DAAM1: variants seen among roughly 807,000 people sequenced by gnomAD.
DAAM1 encodes the protein dishevelled associated activator of morphogenesis 1, also known as disheveled-associated activator of morphogenesis 1.
A neutral mutation model predicts 130.0 loss-of-function variants in DAAM1; 52 were observed. That is an observed-to-expected ratio of 0.40 (90% CI 0.32 to 0.50). The LOEUF (loss-of-function observed/expected upper bound fraction) is 0.50, where lower values mean the gene tolerates loss of function less well. Ranked by LOEUF, DAAM1 falls within the 20% of genes least tolerant of loss-of-function variation. The probability of loss-of-function intolerance (pLI) is 0.61; values close to 1 mark genes in which losing one functional copy is unlikely to be tolerated. For synonymous variants in DAAM1, 452 were observed against 444.5 expected (o/e 1.02, Z -0.21); for missense variants, 1,134 against 1,303.8 (o/e 0.87, Z 2.01).
chr14:59,302,515 ACCATGGGAAGAATGCT>A (rs1884212629), intron 3 of DAAM1, among the ~76,000 whole-genome samples: 1 of 152,186 alleles, frequency 6.6e-6, no homozygotes, highest in Non-Finnish European at 1.5e-5. Flanking sequence ...TTGGTGCTGC[ACCATGGGAAGAATGCT>A]CCTGTCTTGG....
chr14:59,307,572 A>G lies in DAAM1; in HGVS notation c.274-7708A>G, dbSNP rs138846156. Among the ~76,000 whole-genome samples, 144 of 152,304 alleles carry G rather than the reference A, an allele frequency of 9.5e-4. 1 individual carries two copies. Among genetic ancestry groups the G allele is most frequent in the African/African-American group, 3.0e-3 (126 of 41,564 alleles). The stretch of plus-strand genomic sequence containing the variant: ...AGTATATTTTATTTTTGAATACGTG[A>G]TATGGTAGCAAGAGGCTTTCTCTGG... On this transcript the variant is annotated intron_variant, in intron 3 of 24. Coordinates refer to ENST00000360909, the MANE Select transcript of DAAM1 (RefSeq NM_001270520.2).
intron 2 of DAAM1, among the ~76,000 whole-genome samples, chr14:59,288,279 A>T (rs1358962614): frequency 6.6e-6 from 1 of 152,236 alleles, no homozygotes; most frequent in African/African-American, 2.4e-5. Flanking sequence ...CTCAAGATAG[A>T]TTGAAGACTT....
At chr14:59,342,512 A>G (rs1307181623) in intron 16 of DAAM1, among the ~76,000 whole-genome samples, 1 of 152,220 alleles carries the variant, frequency 6.6e-6, no homozygotes, top group Non-Finnish European at 1.5e-5. Context: ...GCAATTTATT[A>G]CTATGCACAA....
rs1264048577 is a variant in DAAM1, at chr14:59,369,789, C to A, written c.*930C>A. 2 of 143,466 alleles carry A rather than the reference C, an allele frequency of 1.4e-5. No homozygotes were observed. Among genetic ancestry groups the A allele is most frequent in the South Asian group, 2.2e-4 (1 of 4,602 alleles). 8.9% of individuals were successfully genotyped at this position (143,466 alleles called of 1,614,324 possible). On this transcript the variant is annotated 3_prime_UTR_variant, in exon 25 of 25. Transcript: ENST00000360909. The stretch of plus-strand genomic sequence containing the variant: ...AAAAAAAAAAAAAATTAATGGGGTG[C>A]CTTTTTGTTATAGTTTCTATTTTCT...
At chr14:59,258,625 AG>A (rs1882017917) in intron 1 of DAAM1, among the ~76,000 whole-genome samples, 1 of 152,182 alleles carries the variant, frequency 6.6e-6, no homozygotes, top group Non-Finnish European at 1.5e-5. Flanking sequence ...GGTTCTTCTG[AG>A]GGGTCCAGCG....
intron 1 of DAAM1, among the ~76,000 whole-genome samples, chr14:59,216,891 G>C (rs1888597803): frequency 6.7e-6 from 1 of 148,374 alleles, no homozygotes; most frequent in South Asian, 2.2e-4. Flanking sequence ...TGAATTTTAA[G>C]TATATACTAT....
At chr14:59,259,072 G>A (rs533854699) in intron 1 of DAAM1, among the ~76,000 whole-genome samples, 3 of 152,180 alleles carry the variant, frequency 2.0e-5, no homozygotes, top group South Asian at 2.1e-4. Context: ...CCGACTTCTC[G>A]CCCCTCCTCA....
At chr14:59,342,833 A>G (rs1885903103) in intron 16 of DAAM1, among the ~76,000 whole-genome samples, 1 of 152,194 alleles carries the variant, frequency 6.6e-6, no homozygotes. Flanking sequence ...AAAGACTGTT[A>G]TATGACAAGA....
At chr14:59,350,903 T>C (rs1320669085) in intron 17 of DAAM1, among the ~76,000 whole-genome samples, 4 of 152,166 alleles carry the variant, frequency 2.6e-5, no homozygotes, top group Non-Finnish European at 5.9e-5. Context: ...CACCTGTGCC[T>C]TCAGTAACCT....
chr14:59,244,053 G>A (rs1042546238), intron 1 of DAAM1, among the ~76,000 whole-genome samples: 7 of 152,080 alleles, frequency 4.6e-5, no homozygotes, highest in Admixed American at 6.6e-5. Flanking sequence ...ATCTTGAATT[G>A]TAGCTCCCAT....
At chr14:59,336,774 G>A (rs1885644265) in intron 15 of DAAM1, among the ~76,000 whole-genome samples, 1 of 152,200 alleles carries the variant, frequency 6.6e-6, no homozygotes, top group African/African-American at 2.4e-5. Context: ...AAGTGGACTT[G>A]ATCATCAGGT....
At chr14:59,232,271 CAGAG>C (rs1889132211) in intron 1 of DAAM1, among the ~76,000 whole-genome samples, 1 of 152,172 alleles carries the variant, frequency 6.6e-6, no homozygotes. Context: ...GTCACACCTC[CAGAG>C]AATATCGAAA....
intron 1 of DAAM1, among the ~76,000 whole-genome samples, chr14:59,242,930 A>G (rs966780220): frequency 3.9e-5 from 6 of 152,212 alleles, no homozygotes; most frequent in Admixed American, 2.6e-4. Context: ...AAATATATGT[A>G]GAAGGTACTC....
rs1016354005 is a variant in DAAM1, at chr14:59,369,473, CAATTTG to C, written c.*619_*624del. The C allele has an allele frequency of 5.9e-5, 9 of 152,376 alleles. No individual in the cohort carries two copies. The highest frequency in any genetic ancestry group is 2.2e-4 in the African/African-American group (9 of 41,382). The allele number at this position is 152,376 out of a possible 1,614,324, so 9.4% of individuals were successfully genotyped here. ...ATGTTTATTGAGAACATCTTGCACA[CAATTTG>C]AATTATGTAGAATGTCAATCAAGTT... On this transcript the variant is annotated 3_prime_UTR_variant, in exon 25 of 25. Coordinates refer to ENST00000360909, the MANE Select transcript of DAAM1 (RefSeq NM_001270520.2).
chr14:59,338,708 C>A (rs1885727693), intron 15 of DAAM1, among the ~76,000 whole-genome samples: 1 of 149,960 alleles, frequency 6.7e-6, no homozygotes, highest in African/African-American at 2.5e-5. Flanking sequence ...GGTTTCTTTA[C>A]TTTTTTTTTA....
intron 3 of DAAM1, among the ~76,000 whole-genome samples, chr14:59,305,362 C>A (rs987464680): frequency 6.6e-6 from 1 of 152,120 alleles, no homozygotes; most frequent in East Asian, 1.9e-4. Flanking sequence ...TTTTCTTTGC[C>A]ATGAAACTGA....
chr14:59,309,209 A>G (rs954072625), intron 3 of DAAM1, among the ~76,000 whole-genome samples: 1 of 152,212 alleles, frequency 6.6e-6, no homozygotes, highest in Non-Finnish European at 1.5e-5. Context: ...CCAGATGGAA[A>G]GAGTTGGGGG....
rs1281128120 is a variant in DAAM1, at chr14:59,370,794, G to A, written c.*1935G>A. 1 of 152,120 alleles carries A rather than the reference G, an allele frequency of 6.6e-6. No homozygotes were observed. The highest frequency in any genetic ancestry group is 1.5e-5 in the Non-Finnish European group (1 of 68,006). The allele number at this position is 152,120 out of a possible 1,614,324, so 9.4% of individuals were successfully genotyped here. The stretch of plus-strand genomic sequence containing the variant: ...TGAGGAAGATTGGAATATAATGATG[G>A]TTTTGTCTGTTCCTTAACTAAAGTG... On this transcript the variant is annotated 3_prime_UTR_variant, in exon 25 of 25. Transcript: ENST00000360909.
intron 8 of DAAM1, among the ~76,000 whole-genome samples, chr14:59,324,756 G>T (rs1437125416): frequency 6.6e-6 from 1 of 152,160 alleles, no homozygotes; most frequent in South Asian, 2.1e-4. Flanking sequence ...GAATTTTGCT[G>T]TTTTTATAAC....
Sources: allele counts gnomAD v4.1 joint callset (sites outside exome capture counted in the v4.1 genomes callset), GRCh38; gene constraint gnomAD v4.1.1; transcripts MANE v1.5; gene names NCBI Gene and HGNC (gene_info 2026-07-23, HGNC 2026-07-21).